CTNNA2: variants seen among roughly 807,000 people sequenced by gnomAD.
CTNNA2 encodes catenin alpha 2, also known as catenin alpha-2.
A neutral mutation model predicts 101.0 loss-of-function variants in CTNNA2; 42 were observed. That is an observed-to-expected ratio of 0.42 (90% CI 0.32 to 0.54). The LOEUF (loss-of-function observed/expected upper bound fraction) is 0.54, where lower values mean the gene tolerates loss of function less well. Ranked by LOEUF, CTNNA2 falls within the 20% of genes least tolerant of loss-of-function variation. The pLI is 0.14. For missense variants in CTNNA2, 871 were observed against 1,223.1 expected, an observed-to-expected ratio of 0.71 and a Z score of 4.29; for synonymous variants, 450 against 456.4, an observed-to-expected ratio of 0.99 and a Z score of 0.18.
chr2:79,317,328 T>C (rs963333882), intron 3 of CTNNA2, among the ~76,000 whole-genome samples: 1 of 152,126 alleles, frequency 6.6e-6, no homozygotes, highest in Non-Finnish European at 1.5e-5. Context: ...TTGAGGACTT[T>C]TGCATCATCA....
intron 6 of CTNNA2, among the ~76,000 whole-genome samples, chr2:79,876,769 G>T (rs937101003): frequency 3.3e-5 from 5 of 152,138 alleles, no homozygotes; most frequent in African/African-American, 1.2e-4. Flanking sequence ...CAAACTTGAG[G>T]TCATGTGGGG....
intron 4 of CTNNA2, among the ~76,000 whole-genome samples, chr2:79,423,351 G>C (rs917124530): frequency 1.3e-5 from 2 of 152,090 alleles, no homozygotes; most frequent in African/African-American, 4.8e-5. Context: ...ATACACCACA[G>C]AGTGACCTCT....
intron 7 of CTNNA2, among the ~76,000 whole-genome samples, chr2:80,054,362 C>T (rs1697077748): frequency 6.6e-6 from 1 of 152,182 alleles, no homozygotes; most frequent in East Asian, 1.9e-4. Context: ...GCAGCTTAAG[C>T]TCAAGGAGGT....
At chr2:79,382,213 C>G (rs184613140) in intron 4 of CTNNA2, among the ~76,000 whole-genome samples, 41 of 152,082 alleles carry the variant, frequency 2.7e-4, no homozygotes, top group African/African-American at 9.6e-4. Flanking sequence ...CCTTCAGACT[C>G]AGACTGAGAC....
rs377763685 is a variant in CTNNA2 at position 80,647,647 on chromosome 2, G to A, written c.2637G>A (p.Thr879=). The A allele has an allele frequency of 6.4e-5, 104 of 1,613,242 alleles. No homozygotes were observed. The highest frequency in any genetic ancestry group is 5.3e-4 in the African/African-American group (40 of 74,962). The part of the protein sequence containing the change: ...AKNLMNAVVL[T]VKASYVASTK... ...ACCTGATGAATGCTGTTGTCCTCAC[G>A]GTGAAAGCATCCTATGTGGCCTCAA... The change falls in exon 19 of 19, where the codon ACG becomes ACA. Residue 879 remains threonine (T), a synonymous_variant. Transcript: ENST00000402739.
intron 4 of CTNNA2, among the ~76,000 whole-genome samples, chr2:79,390,430 T>C (rs1678159062): frequency 6.6e-6 from 1 of 152,208 alleles, no homozygotes; most frequent in Non-Finnish European, 1.5e-5. Context: ...AGAATTTTCT[T>C]CTCTTTCTTC....
At chr2:80,032,329 T>C (rs1280684916) in intron 7 of CTNNA2, among the ~76,000 whole-genome samples, 1 of 152,106 alleles carries the variant, frequency 6.6e-6, no homozygotes, top group Non-Finnish European at 1.5e-5. Flanking sequence ...CTGCATGAAA[T>C]ATGACTAAAC....
chr2:80,092,004 T>C (rs1344201216), intron 7 of CTNNA2, among the ~76,000 whole-genome samples: 1 of 152,156 alleles, frequency 6.6e-6, no homozygotes, highest in Non-Finnish European at 1.5e-5. Context: ...AAAGCTTTCT[T>C]GTGCTCAGGA....
intron 12 of CTNNA2, among the ~76,000 whole-genome samples, chr2:80,573,867 A>G (rs1157156049): frequency 6.6e-6 from 1 of 152,196 alleles, no homozygotes; most frequent in Non-Finnish European, 1.5e-5. Flanking sequence ...GGGTTAGGGT[A>G]ACATGAAAAC....
At chr2:80,232,341 G>GTTTGTTTTTTTTTTT (rs1553473429) in intron 7 of CTNNA2, among the ~76,000 whole-genome samples, 1 of 82,062 alleles carries the variant, frequency 1.2e-5, no homozygotes, top group Non-Finnish European at 2.9e-5. Flanking sequence ...TTGTTTGTTT[G>GTTTGTTTTTTTTTTT]TTTGTTTTTT....
chr2:79,526,846 A>C (rs1672434925), intron 1 of CTNNA2, among the ~76,000 whole-genome samples: 1 of 152,150 alleles, frequency 6.6e-6, no homozygotes, highest in Admixed American at 6.6e-5. Context: ...TTCAATATGC[A>C]TTATAGACCT....
chr2:80,276,448 C>T (rs1348732), intron 7 of CTNNA2, among the ~76,000 whole-genome samples: 8,166 of 152,166 alleles, frequency 0.054, 414 homozygotes, highest in South Asian at 0.28. Flanking sequence ...TGTCCATTTG[C>T]GTTGCTATAA....
chr2:79,916,553 TC>T (rs1686226290), intron 7 of CTNNA2, among the ~76,000 whole-genome samples: 1 of 10,620 alleles, frequency 9.4e-5, no homozygotes, highest in African/African-American at 4.5e-4. Flanking sequence ...TCCCCTCCCC[TC>T]CCCTCCCCTC....
At chr2:79,876,544 G>T (rs1683039554) in intron 6 of CTNNA2, among the ~76,000 whole-genome samples, 2 of 152,164 alleles carry the variant, frequency 1.3e-5, no homozygotes, top group Admixed American at 1.3e-4. Context: ...TGAGGAGCTG[G>T]TTAAGAGTGA....
chr2:80,608,355 A>G (rs764487750), intron 17 of CTNNA2, 37 bp downstream of exon 17: 144 of 1,581,916 alleles, frequency 9.1e-5, no homozygotes, highest in Non-Finnish European at 4.0e-5. Flanking sequence ...TAAAGTTCCC[A>G]CCGTTGCACT....
chr2:80,272,746 T>A (rs921026001), intron 7 of CTNNA2, among the ~76,000 whole-genome samples: 1 of 152,228 alleles, frequency 6.6e-6, no homozygotes, highest in African/African-American at 2.4e-5. Flanking sequence ...CATGCAATAT[T>A]TGAGACCTAC....
chr2:79,454,952 G>T (rs766290291), intron 4 of CTNNA2, among the ~76,000 whole-genome samples: 1 of 152,108 alleles, frequency 6.6e-6, no homozygotes, highest in Non-Finnish European at 1.5e-5. Flanking sequence ...CAGTGCAGGG[G>T]CAAAGACTGT....
intron 3 of CTNNA2, among the ~76,000 whole-genome samples, chr2:79,821,826 C>A (rs1026028466): frequency 7.9e-5 from 12 of 152,126 alleles, no homozygotes; most frequent in African/African-American, 2.9e-4. Flanking sequence ...TATTCTGTAC[C>A]TACTACACTA....
intron 7 of CTNNA2, among the ~76,000 whole-genome samples, chr2:80,266,736 T>C (rs1244186835): frequency 2.0e-5 from 3 of 152,212 alleles, no homozygotes; most frequent in Non-Finnish European, 2.9e-5. Flanking sequence ...TTGTCAGTAC[T>C]GAGCTGGACT....
Sources: gnomAD v4.1 joint callset for allele counts (sites outside exome capture counted in the v4.1 genomes callset) on GRCh38, gnomAD v4.1.1 for gene constraint, MANE v1.5 for transcripts, NCBI Gene and HGNC (gene_info 2026-07-23, HGNC 2026-07-21) for gene names.